Variants in TMEM8B observed in about 807,000 individuals in gnomAD.
The protein encoded by TMEM8B is transmembrane protein 8B, also known as nasopharyngeal carcinoma expressed 6.
TMEM8B carries 29 observed loss-of-function variants against 49.3 expected under a neutral mutation model. That is an observed-to-expected ratio of 0.59 (90% CI 0.44 to 0.80). TMEM8B has a LOEUF of 0.80. Among genes scored for constraint, TMEM8B ranks in the 30% least tolerant of loss-of-function variants. The probability of loss-of-function intolerance (pLI) is 0.00; values close to 1 mark genes in which losing one functional copy is unlikely to be tolerated. For synonymous variants in TMEM8B, 264 were observed against 272.8 expected (o/e 0.97, Z 0.32); for missense variants, 575 against 658.5 (o/e 0.87, Z 1.39).
At position 35,864,358 on chromosome 9, in the gene TMEM8B, G is replaced by A. The variant is rs998472011; in HGVS notation, c.*10518G>A. ...CTTCACAAATTATTTTAAAAGAAAA[G>A]ATAGGGGCATAACAAGAAGAAAGCT... On this transcript the variant is annotated 3_prime_UTR_variant, in exon 13 of 13. Transcript: ENST00000643932. The A allele has an allele frequency of 6.6e-6, 1 of 152,178 alleles. No individual in the cohort carries two copies. The highest frequency in any genetic ancestry group is 2.4e-5 in the African/African-American group (1 of 41,434). The allele number at this position is 152,178 out of a possible 1,614,324, so 9.4% of individuals were successfully genotyped here.
chr9:35,835,413 G>A (rs1830346217), intron 3 of TMEM8B, 195 bp downstream of exon 3: 3 of 393,608 alleles, frequency 7.6e-6, no homozygotes, highest in Non-Finnish European at 1.4e-5. Flanking sequence ...AGGCAACTTG[G>A]CAGCCCCAGG....
intron 1 of TMEM8B, among the ~76,000 whole-genome samples, chr9:35,831,747 G>C (rs1278215343): frequency 6.6e-6 from 1 of 152,244 alleles, no homozygotes; most frequent in African/African-American, 2.4e-5. Context: ...CTGTTGCCCA[G>C]AAGCAGGTTC....
intron 7 of TMEM8B, 68 bp from the exon 8 acceptor site, chr9:35,846,190 C>T: frequency 6.2e-7 from 1 of 1,607,318 alleles, no homozygotes; most frequent in East Asian, 2.2e-5. Context: ...GAAGTGGGAG[C>T]AGGTGGGTGA....
At position 35,864,875 on chromosome 9, in the gene TMEM8B, T is replaced by C. The variant is rs1832709940; in HGVS notation, c.*11035T>C. 6.6e-6 allele frequency: 1 copy of C among 152,294 alleles called. No individual in the cohort carries two copies. The highest frequency in any genetic ancestry group is 1.5e-5 in the Non-Finnish European group (1 of 68,130). The allele number at this position is 152,294 out of a possible 1,614,324, so 9.4% of individuals were successfully genotyped here. A position where few individuals can be genotyped will look rare whatever the true frequency, so the allele number is the denominator to read the frequency against. On this transcript the variant is annotated 3_prime_UTR_variant, in exon 13 of 13. Coordinates refer to ENST00000643932, the MANE Select transcript of TMEM8B (RefSeq NM_001042590.4). ...TTCATTATGAGCAAGTGCACGGTGC[T>C]GGGATGGGCTAGGTTCCCCGCACCT...
At chr9:35,852,423 G>A (rs1371199374) in intron 10 of TMEM8B, among the ~76,000 whole-genome samples, 1 of 152,176 alleles carries the variant, frequency 6.6e-6, no homozygotes, top group East Asian at 1.9e-4. Context: ...ACATAGTGGG[G>A]AGATTTGGTT....
At chr9:35,840,923 C>A (rs1266605163) in intron 3 of TMEM8B, among the ~76,000 whole-genome samples, 1 of 152,150 alleles carries the variant, frequency 6.6e-6, no homozygotes, top group African/African-American at 2.4e-5. Context: ...AGGATCCCAG[C>A]AGACCTTGCA....
chr9:35,834,735 A>T, intron 2 of TMEM8B, 85 bp downstream of exon 2: 1 of 413,452 alleles, frequency 2.4e-6, no homozygotes, highest in Admixed American at 4.4e-5. Context: ...TGACCTCCCG[A>T]CCCTGACCCC....
Position 35,853,731 on chromosome 9 carries a change from C to G in TMEM8B, c.2666C>G (p.Ser889Cys). 6.2e-7 allele frequency: 1 copy of G among 1,613,786 alleles called. No individual in the cohort carries two copies. Among genetic ancestry groups the G allele is most frequent in the Non-Finnish European group, 8.5e-7 (1 of 1,179,764 alleles). Residue 889 changes from serine to cysteine, a missense_variant, in exon 13 of 13, where the codon TCT (serine) becomes TGT (cysteine). Coordinates refer to ENST00000643932, the MANE Select transcript of TMEM8B (RefSeq NM_001042590.4). This position sits in a 1 kb window ranked among gnomAD's most constrained non-coding sequence, Gnocchi z 4.2. ...PRAKTDHGVP[S>C]GARARGCGYQ... is the part of the protein sequence containing the mutation. ...GCCAAGACTGACCACGGGGTCCCAT[C>G]TGGAGCCCGGGCCCGGGGCTGTGGT... is the stretch of plus-strand genomic sequence containing the variant.
At chr9:35,837,636 G>A (rs547999716) in intron 3 of TMEM8B, among the ~76,000 whole-genome samples, 7 of 152,256 alleles carry the variant, frequency 4.6e-5, no homozygotes, top group South Asian at 2.1e-4. Context: ...TACCTGGTCC[G>A]GGCCACCCTC....
Position 35,842,774 on chromosome 9 carries a change from G to A in TMEM8B, c.1635+57G>A, listed in dbSNP as rs1831154423. The A allele has an allele frequency of 6.5e-7, 1 of 1,529,014 alleles. No homozygotes were observed. Among genetic ancestry groups the A allele is most frequent in the South Asian group, 1.3e-5 (1 of 78,194 alleles). 94.7% of individuals were successfully genotyped at this position (1,529,014 alleles called of 1,614,324 possible). A position where few individuals can be genotyped will look rare whatever the true frequency, so the allele number is the denominator to read the frequency against. On this transcript the variant is annotated intron_variant, in intron 6 of 12. Coordinates refer to ENST00000643932, the MANE Select transcript of TMEM8B (RefSeq NM_001042590.4). This position sits in a 1 kb window ranked among gnomAD's most constrained non-coding sequence, Gnocchi z 5.6. ...TGCCAGGGAGCTTGAAGGGGAAGGT[G>A]TCAGGGGTGTTGGGGTGTTTACCTC...
Position 35,842,380 on chromosome 9 carries a change from T to C in TMEM8B, c.1310-12T>C, listed in dbSNP as rs1831103763. On this transcript the variant is annotated splice_polypyrimidine_tract_variant and intron_variant, in intron 5 of 12. Transcript: ENST00000643932. This position sits in a 1 kb window ranked among gnomAD's most constrained non-coding sequence, Gnocchi z 5.6. ...GCTGCAGGCCCAAGCTCTGGTTTCC[T>C]CTGCCCCACAGAGTGCCCACAGCCC... 6.7e-7 allele frequency: 1 copy of C among 1,500,696 alleles called. No homozygotes were observed. The highest frequency in any genetic ancestry group is 2.3e-5 in the East Asian group (1 of 43,208). The allele number at this position is 1,500,696 out of a possible 1,614,324, so 93.0% of individuals were successfully genotyped here.
chr9:35,829,250 G>A lies in TMEM8B; in HGVS notation c.-198G>A, dbSNP rs1829577227. 1 of 349,792 alleles carries A rather than the reference G, an allele frequency of 2.9e-6. No homozygotes were observed. Among genetic ancestry groups the A allele is most frequent in the East Asian group, 4.3e-5 (1 of 23,102 alleles). The allele number at this position is 349,792 out of a possible 1,614,324, so 21.7% of individuals were successfully genotyped here. A position where few individuals can be genotyped will look rare whatever the true frequency, so the allele number is the denominator to read the frequency against. On this transcript the variant is annotated 5_prime_UTR_variant, in exon 1 of 13. Transcript: ENST00000643932. Reference sequence around the variant, plus strand: ...GTCACGCCGACGTCAAGTCGAGGCCGCCGCCGCGGGGCCTGGTTATCGCCG... The same window carrying A: ...GTCACGCCGACGTCAAGTCGAGGCCACCGCCGCGGGGCCTGGTTATCGCCG...
At chr9:35,848,991 A>C (rs1008071080) in intron 10 of TMEM8B, among the ~76,000 whole-genome samples, 8 of 152,164 alleles carry the variant, frequency 5.3e-5, no homozygotes, top group Admixed American at 5.2e-4. Context: ...ACATTTTCTT[A>C]AATAAGGCAA....
Position 35,853,263 on chromosome 9 carries a change from G to T in TMEM8B, c.2439+6G>T. The T allele has an allele frequency of 2.5e-6, 4 of 1,610,060 alleles. No individual in the cohort carries two copies. The highest frequency in any genetic ancestry group is 1.7e-4 in the Middle Eastern group (1 of 6,052). On this transcript the variant is annotated splice_donor_region_variant and intron_variant, in intron 12 of 12. Coordinates refer to ENST00000643932, the MANE Select transcript of TMEM8B (RefSeq NM_001042590.4). This position sits in a 1 kb window ranked among gnomAD's most constrained non-coding sequence, Gnocchi z 4.2. ...GGATCTTGGCCACAGCCTGGGTAAG[G>T]GTGGGGAGGGATGTGGGGGGAGGGT...
intron 10 of TMEM8B, among the ~76,000 whole-genome samples, chr9:35,847,964 T>G (rs1259227162): frequency 6.6e-6 from 1 of 152,242 alleles, no homozygotes; most frequent in Non-Finnish European, 1.5e-5. Context: ...GTGACATGCA[T>G]GTGAGCACTG....
chr9:35,843,289 C>T (rs1831203446), intron 6 of TMEM8B, among the ~76,000 whole-genome samples: 1 of 152,174 alleles, frequency 6.6e-6, no homozygotes, highest in Non-Finnish European at 1.5e-5. Flanking sequence ...TATACCCACT[C>T]TCTCACGTTT....
intron 1 of TMEM8B, among the ~76,000 whole-genome samples, chr9:35,831,283 T>A (rs1829868087): frequency 6.6e-6 from 1 of 152,096 alleles, no homozygotes; most frequent in Non-Finnish European, 1.5e-5. Flanking sequence ...TCTGAGCGCC[T>A]GTGTTATGGT....
chr9:35,854,908 G>T lies in TMEM8B; in HGVS notation c.*1068G>T, dbSNP rs926297433. On this transcript the variant is annotated 3_prime_UTR_variant, in exon 13 of 13. Coordinates refer to ENST00000643932, the MANE Select transcript of TMEM8B (RefSeq NM_001042590.4). ...TTGGGATTCCTTCTCTTTCCATGAG[G>T]GTCATAGCTGAGTTCTGAGGGTCTT... 6.6e-6 allele frequency: 1 copy of T among 152,172 alleles called. No individual in the cohort carries two copies. The highest frequency in any genetic ancestry group is 1.5e-5 in the Non-Finnish European group (1 of 68,046). 9.4% of individuals were successfully genotyped at this position (152,172 alleles called of 1,614,324 possible).
rs1039794591 is a variant in TMEM8B at position 35,845,420 on chromosome 9, A to G, written c.1636-555A>G. On this transcript the variant is annotated intron_variant, in intron 6 of 12. Coordinates refer to ENST00000643932, the MANE Select transcript of TMEM8B (RefSeq NM_001042590.4). The stretch of plus-strand genomic sequence containing the variant: ...CCTGTTGCCTTTATTCTTGTAGACA[A>G]CACCTTACATTTACTCTTGCAGATA... 6.1e-6 allele frequency: 6 copies of G among 985,286 alleles called. No homozygotes were observed. In the African/African-American group the frequency reaches 1.0e-4, roughly 17 times the overall value. The allele number at this position is 985,286 out of a possible 1,614,324, so 61.0% of individuals were successfully genotyped here.
Sources: allele counts gnomAD v4.1 joint callset (sites outside exome capture counted in the v4.1 genomes callset), GRCh38; gene constraint gnomAD v4.1.1; non-coding constraint Gnocchi (gnomAD v3.1); transcripts MANE v1.5; gene names NCBI Gene and HGNC (gene_info 2026-07-23, HGNC 2026-07-21).